The following MTAP variants were observed in gnomAD, a reference collection of about 807,000 sequenced individuals.
MTAP encodes the protein S-methyl-5'-thioadenosine phosphorylase.
MTAP carries 33 observed loss-of-function variants against 33.6 expected under a neutral mutation model. That is an observed-to-expected ratio of 0.98 (90% CI 0.74 to 1.31). The LOEUF is 1.31. MTAP is among the 40% of genes most tolerant of loss of function. The probability of loss-of-function intolerance (pLI) is 0.00; values close to 1 mark genes in which losing one functional copy is unlikely to be tolerated. For synonymous variants in MTAP, 148 were observed against 125.7 expected (o/e 1.18, Z -1.19); for missense variants, 367 against 360.0 (o/e 1.02, Z -0.16).
At position 21,885,776 on chromosome 9, in the gene MTAP, CATGGTGT is replaced by C. The variant is rs770544165; in HGVS notation, c.147+30907_147+30913del. On this transcript the variant is annotated intron_variant, in intron 1 of 1. Transcript: ENST00000577563. ...TCCTTTTTATAGCTGGGTAGTATTA[CATGGTGT>C]GTGTGTGTGTGTGTGTGTGTGTGTG... is the stretch of plus-strand genomic sequence containing the variant. Among the ~76,000 whole-genome samples the C allele has an allele frequency of 3.0e-3, 358 of 120,044 alleles. 1 individual carries two copies. The highest frequency in any genetic ancestry group is 2.6e-3 in the Non-Finnish European group (155 of 58,766). 78.8% of individuals were successfully genotyped at this position (120,044 alleles called of 152,430 possible).
intron 1 of MTAP, 70 bp downstream of exon 1, chr9:21,802,851 C>G: frequency 2.5e-6 from 4 of 1,592,286 alleles, no homozygotes; most frequent in Non-Finnish European, 3.4e-6. Flanking sequence ...GCCGGGGGAC[C>G]GCGCCTCCGG....
intron 5 of MTAP, among the ~76,000 whole-genome samples, chr9:21,841,054 A>G (rs981682080): frequency 2.0e-5 from 3 of 152,082 alleles, no homozygotes; most frequent in Admixed American, 2.0e-4. Flanking sequence ...TGGCCTGACA[A>G]ACCACCCCCA....
intron 6 of MTAP, chr9:21,856,157 C>T (rs755581807): frequency 9.9e-5 from 98 of 985,074 alleles, no homozygotes; most frequent in East Asian, 2.3e-4. Context: ...GATAAAGGGA[C>T]GACAAAACTG....
intron 1 of MTAP, among the ~76,000 whole-genome samples, chr9:21,879,376 T>G (rs746753427): frequency 7.9e-5 from 12 of 152,200 alleles, no homozygotes; most frequent in Non-Finnish European, 1.3e-4. Context: ...TTGCAACCCC[T>G]GCTTTTTTCT....
At chr9:21,813,460 G>T (rs942879999) in intron 1 of MTAP, among the ~76,000 whole-genome samples, 1 of 152,230 alleles carries the variant, frequency 6.6e-6, no homozygotes, top group Non-Finnish European at 1.5e-5. Flanking sequence ...GAAGCTTGGG[G>T]TTGCTGAGAG....
At chr9:21,915,184 G>A (rs1287803721) in intron 1 of MTAP, among the ~76,000 whole-genome samples, 1 of 151,378 alleles carries the variant, frequency 6.6e-6, no homozygotes, top group Non-Finnish European at 1.5e-5. Context: ...TGCCTCCTGG[G>A]TTCATGCCAT....
chr9:21,936,556 T>C (rs1819043769), exon 8 of MTAP: 1 of 152,242 alleles, frequency 6.6e-6, no homozygotes, highest in Admixed American at 6.5e-5. Flanking sequence ...CATAAGTTAA[T>C]CTACTTTTGG....
chr9:21,832,738 C>G (rs7874202), intron 4 of MTAP, among the ~76,000 whole-genome samples: 1 of 152,214 alleles, frequency 6.6e-6, no homozygotes, highest in African/African-American at 2.4e-5. Flanking sequence ...AAATCCTACA[C>G]TACCAGTTTT....
rs969019293 is a variant in MTAP, at chr9:21,863,330, G to A, written c.*1316G>A. Reference sequence around the variant, plus strand: ...TTTATAGAAATGCTTTTTGTTGGCCGGGCACAGTTGCTCATCCATGTAATC... The same window carrying A: ...TTTATAGAAATGCTTTTTGTTGGCCAGGCACAGTTGCTCATCCATGTAATC... On this transcript the variant is annotated 3_prime_UTR_variant, in exon 8 of 8. Coordinates refer to ENST00000644715, the MANE Select transcript of MTAP (RefSeq NM_002451.4). The A allele has an allele frequency of 8.8e-5, 86 of 982,106 alleles. 1 individual carries two copies. The highest frequency in any genetic ancestry group is 9.4e-5 in the Non-Finnish European group (78 of 827,440). 60.8% of individuals were successfully genotyped at this position (982,106 alleles called of 1,614,324 possible). A position where few individuals can be genotyped will look rare whatever the true frequency, so the allele number is the denominator to read the frequency against.
At chr9:21,806,047 C>T (rs969686382) in intron 1 of MTAP, among the ~76,000 whole-genome samples, 2 of 152,034 alleles carry the variant, frequency 1.3e-5, no homozygotes, top group Non-Finnish European at 2.9e-5. Flanking sequence ...TTGTAGACCG[C>T]GATCAAGAAT....
intron 1 of MTAP, among the ~76,000 whole-genome samples, chr9:21,805,715 C>T (rs1380655225): frequency 1.3e-5 from 2 of 152,184 alleles, no homozygotes; most frequent in Admixed American, 6.5e-5. Flanking sequence ...AGTGAGAGGA[C>T]ACCATCTATG....
chr9:21,822,187 G>A (rs1246388430), intron 4 of MTAP, among the ~76,000 whole-genome samples: 4 of 151,902 alleles, frequency 2.6e-5, no homozygotes, highest in African/African-American at 7.3e-5. Context: ...GAATGTGTTT[G>A]CTCTTGCTTC....
intron 1 of MTAP, among the ~76,000 whole-genome samples, chr9:21,890,237 A>T (rs1587277700): frequency 1.3e-5 from 2 of 152,138 alleles, no homozygotes; most frequent in Admixed American, 6.5e-5. Flanking sequence ...GCTGATAGTG[A>T]CCAGCCTCAC....
At chr9:21,843,983 A>G (rs1024246648) in intron 5 of MTAP, among the ~76,000 whole-genome samples, 1 of 152,214 alleles carries the variant, frequency 6.6e-6, no homozygotes, top group Non-Finnish European at 1.5e-5. Flanking sequence ...TTGATAGACC[A>G]TTAGTGAAAT....
At chr9:21,935,001 A>G (rs545369099), downstream of MTAP, 1 of 152,204 alleles carries the variant, frequency 6.6e-6, no homozygotes, top group East Asian at 1.9e-4. Context: ...GCCCGGCCTT[A>G]ACTTTTTTTT....
downstream of MTAP, chr9:21,940,868 C>T (rs893368042): frequency 3.6e-6 from 1 of 280,758 alleles, no homozygotes; most frequent in Admixed American, 6.5e-5. Context: ...GTTAAATTGC[C>T]AACCATTGGT....
chr9:21,906,595 A>G (rs895124250), intron 1 of MTAP, among the ~76,000 whole-genome samples: 2 of 152,204 alleles, frequency 1.3e-5, no homozygotes, highest in Non-Finnish European at 2.9e-5. Flanking sequence ...TTAGTGGGCA[A>G]TATTTGAAGG....
downstream of MTAP, among the ~76,000 whole-genome samples, chr9:21,871,587 A>G (rs1239187906): frequency 1.3e-5 from 2 of 152,180 alleles, no homozygotes; most frequent in African/African-American, 4.8e-5. Flanking sequence ...CATATAAGAG[A>G]TACTGTGTAT....
intron 1 of MTAP, among the ~76,000 whole-genome samples, chr9:21,812,770 T>C (rs2117990039): frequency 6.6e-6 from 1 of 152,318 alleles, no homozygotes; most frequent in East Asian, 1.9e-4. Context: ...AAATAACTTT[T>C]CTAATAAGGT....
Sources: allele counts gnomAD v4.1 joint callset (sites outside exome capture counted in the v4.1 genomes callset), GRCh38; gene constraint gnomAD v4.1.1; transcripts MANE v1.5; gene names NCBI Gene and HGNC (gene_info 2026-07-23, HGNC 2026-07-21).